The following JAZF1 variants were observed in gnomAD, a reference collection of about 807,000 sequenced individuals.
The protein encoded by JAZF1 is juxtaposed with another zinc finger protein 1.
In JAZF1, 8 loss-of-function variants were observed where a neutral mutation model predicts 26.4. That is an observed-to-expected ratio of 0.30 (90% confidence interval 0.18 to 0.55). The LOEUF (loss-of-function observed/expected upper bound fraction) is 0.55, where lower values mean the gene tolerates loss of function less well. Among genes scored for constraint, JAZF1 ranks in the 20% least tolerant of loss-of-function variants. The pLI, the probability that JAZF1 is intolerant of heterozygous loss-of-function variation, is 0.94. For synonymous variants in JAZF1, 126 were observed against 122.3 expected, an observed-to-expected ratio of 1.03 and a Z score of -0.20; for missense variants, 199 against 322.0, an observed-to-expected ratio of 0.62 and a Z score of 2.92.
chr7:28,045,703 A>G (rs570496825), intron 1 of JAZF1, among the ~76,000 whole-genome samples: 2 of 152,260 alleles, frequency 1.3e-5, no homozygotes, highest in South Asian at 2.1e-4. Flanking sequence ...CAGACTCCCA[A>G]GTAATAAAGA....
In JAZF1 at chr7:27,840,916, A is replaced by G; in HGVS notation, c.386-49T>C. On this transcript the variant is annotated intron_variant, in intron 3 of 4. Transcript: ENST00000283928. The surrounding 1 kb of genome is among the most constrained non-coding windows in gnomAD (Gnocchi z 5.1). ...GACTGTCAGGAGCGCTCATCTCCCC[A>G]CAGGTTCACCCGGCCACTTCCAGGA... is the stretch of plus-strand genomic sequence containing the variant. 1 of 1,591,508 alleles carries G rather than the reference A, an allele frequency of 6.3e-7. No homozygotes were observed. Among genetic ancestry groups the G allele is most frequent in the East Asian group, 2.2e-5 (1 of 44,628 alleles).
At chr7:27,957,200 C>T (rs6968362) in intron 2 of JAZF1, among the ~76,000 whole-genome samples, 145,466 of 152,308 alleles carry the variant, frequency 0.96, 69,543 homozygotes, top group East Asian at 1. Context: ...GAACAGCAGC[C>T]AGACCCTGAC....
intron 1 of JAZF1, among the ~76,000 whole-genome samples, chr7:28,099,445 G>C (rs576312443): frequency 2.0e-4 from 31 of 152,082 alleles, no homozygotes; most frequent in African/African-American, 7.2e-4. Flanking sequence ...CCAACATGGG[G>C]GAGAGGAGTA....
chr7:27,905,377 C>T (rs1784235842), intron 2 of JAZF1, among the ~76,000 whole-genome samples: 1 of 151,208 alleles, frequency 6.6e-6, no homozygotes, highest in African/African-American at 2.4e-5. Context: ...TGAGGGCAAG[C>T]CAATTTCATA....
chr7:27,844,624 A>G (rs1365383334), intron 3 of JAZF1: 1 of 152,270 alleles, frequency 6.6e-6, no homozygotes, highest in Admixed American at 6.5e-5. Context: ...ATATCATTGC[A>G]GAAACCACAT....
intron 3 of JAZF1, among the ~76,000 whole-genome samples, chr7:27,849,777 C>CT (rs1783107949): frequency 3.8e-5 from 2 of 53,158 alleles, no homozygotes; most frequent in East Asian, 2.7e-4. Flanking sequence ...ACACACACCC[C>CT]TACACCTCTT....
At chr7:28,131,064 G>A (rs1782785451) in intron 1 of JAZF1, among the ~76,000 whole-genome samples, 1 of 152,166 alleles carries the variant, frequency 6.6e-6, no homozygotes, top group Non-Finnish European at 1.5e-5. Context: ...TACCTGGTAA[G>A]CTTTTCAGAA....
intron 2 of JAZF1, among the ~76,000 whole-genome samples, chr7:27,936,008 C>T (rs1784758798): frequency 6.6e-6 from 1 of 152,204 alleles, no homozygotes; most frequent in African/African-American, 2.4e-5. Flanking sequence ...GCGCCTTGCC[C>T]TAGTCCCAGC....
intron 4 of JAZF1, among the ~76,000 whole-genome samples, chr7:27,838,384 C>T (rs1020709311): frequency 3.9e-5 from 6 of 152,168 alleles, no homozygotes; most frequent in Admixed American, 3.9e-4. Context: ...ATTCCCTGCT[C>T]TGCATGAGGT....
chr7:28,057,607 A>G (rs1013808258), intron 1 of JAZF1, among the ~76,000 whole-genome samples: 9 of 152,210 alleles, frequency 5.9e-5, no homozygotes, highest in Non-Finnish European at 1.3e-4. Flanking sequence ...AATCTTCATG[A>G]CCCATCACCC....
intron 2 of JAZF1, among the ~76,000 whole-genome samples, chr7:27,935,471 C>T (rs912527322): frequency 2.0e-5 from 3 of 152,080 alleles, no homozygotes; most frequent in Non-Finnish European, 4.4e-5. Flanking sequence ...TATGATTCCA[C>T]GTGTATGAAA....
At chr7:27,997,053 G>A (rs1410514570) in intron 1 of JAZF1, among the ~76,000 whole-genome samples, 1 of 152,154 alleles carries the variant, frequency 6.6e-6, no homozygotes, top group Non-Finnish European at 1.5e-5. Context: ...TAAGTTATTT[G>A]AACCAGTGTT....
chr7:27,874,574 A>G (rs1380069751), intron 3 of JAZF1, among the ~76,000 whole-genome samples: 1 of 152,362 alleles, frequency 6.6e-6, no homozygotes, highest in East Asian at 1.9e-4. Flanking sequence ...ATCCTTATGA[A>G]AAAACATTAA....
intron 1 of JAZF1, among the ~76,000 whole-genome samples, chr7:28,145,729 A>C (rs955813664): frequency 6.6e-6 from 1 of 151,602 alleles, no homozygotes; most frequent in Non-Finnish European, 1.5e-5. Flanking sequence ...AAAAAAAAAA[A>C]CAGAACATTT....
At chr7:28,015,026 A>AGTGTGTGT (rs1169896668) in intron 1 of JAZF1, among the ~76,000 whole-genome samples, 8 of 116,422 alleles carry the variant, frequency 6.9e-5, no homozygotes, top group African/African-American at 2.0e-4. Context: ...AAAAGCAGAA[A>AGTGTGTGT]GTGTGTATGT....
At chr7:27,977,068 A>C (rs922263692) in intron 2 of JAZF1, among the ~76,000 whole-genome samples, 3 of 152,198 alleles carry the variant, frequency 2.0e-5, no homozygotes, top group African/African-American at 7.2e-5. Flanking sequence ...GGCTACTCTG[A>C]AGTCATTGTC....
chr7:27,957,735 A>G (rs1785122298), intron 2 of JAZF1, among the ~76,000 whole-genome samples: 1 of 152,238 alleles, frequency 6.6e-6, no homozygotes, highest in Admixed American at 6.5e-5. Context: ...TGAGGATTTA[A>G]TGACTTCTTA....
At chr7:28,097,583 T>C (rs979152510) in intron 1 of JAZF1, among the ~76,000 whole-genome samples, 2 of 152,176 alleles carry the variant, frequency 1.3e-5, no homozygotes, top group Non-Finnish European at 2.9e-5. Context: ...GGACCTACAT[T>C]GTGTTCTGAA....
At chr7:27,980,537 C>G (rs747920992) in intron 2 of JAZF1, among the ~76,000 whole-genome samples, 18 of 151,952 alleles carry the variant, frequency 1.2e-4, no homozygotes, top group Non-Finnish European at 2.1e-4. Context: ...GAACCTAACC[C>G]TCTGCTGATT....
Sources: gnomAD v4.1 joint callset for allele counts (sites outside exome capture counted in the v4.1 genomes callset) on GRCh38, gnomAD v4.1.1 for gene constraint, Gnocchi (gnomAD v3.1) non-coding constraint, MANE v1.5 for transcripts, NCBI Gene and HGNC (gene_info 2026-07-23, HGNC 2026-07-21) for gene names.